The following LRMDA variants were observed in gnomAD, a reference collection of about 807,000 sequenced individuals.
LRMDA encodes the protein leucine rich melanocyte differentiation associated.
Under a neutral mutation model 29.8 loss-of-function variants are expected in LRMDA, and 18 were observed. That is an observed-to-expected ratio of 0.60 (90% CI 0.42 to 0.90). LRMDA has a LOEUF of 0.90. Among genes scored for constraint, LRMDA ranks in the 40% least tolerant of loss-of-function variants. The pLI is 0.00. For synonymous variants in LRMDA, 125 were observed against 109.4 expected (o/e 1.14, Z -0.89); for missense variants, 273 against 273.9 (o/e 1.00, Z 0.02).
chr10:76,410,707 A>T (rs1841951222), intron 6 of LRMDA, among the ~76,000 whole-genome samples: 1 of 152,110 alleles, frequency 6.6e-6, no homozygotes, highest in Non-Finnish European at 1.5e-5. Context: ...TAATCCCAGC[A>T]CTTTGGGAGG....
At chr10:76,397,702 C>T (rs1445734267) in intron 6 of LRMDA, among the ~76,000 whole-genome samples, 1 of 152,166 alleles carries the variant, frequency 6.6e-6, no homozygotes, top group African/African-American at 2.4e-5. Context: ...CTCTGAAAGG[C>T]GAGCAGATTA....
intron 5 of LRMDA, among the ~76,000 whole-genome samples, chr10:76,148,112 C>T (rs947606646): frequency 2.0e-5 from 3 of 152,182 alleles, no homozygotes; most frequent in Admixed American, 1.3e-4. Flanking sequence ...GGTGCCTCCC[C>T]GTTAGGCTAC....
chr10:75,557,556 T>C (rs1264452387), intron 2 of LRMDA, among the ~76,000 whole-genome samples: 1 of 152,132 alleles, frequency 6.6e-6, no homozygotes, highest in Non-Finnish European at 1.5e-5. Context: ...GAAATGACTT[T>C]CTTAGTGCAG....
chr10:75,764,074 G>A lies in LRMDA; in HGVS notation c.132-271934G>A, dbSNP rs917507366. Among the ~76,000 whole-genome samples the A allele has an allele frequency of 1.1e-4, 16 of 152,030 alleles. No individual in the cohort carries two copies. In the South Asian group the frequency reaches 3.3e-3, roughly 32 times the overall value. ...CGCATGGAGACCCGGCTGAGGGTGG[G>A]GCTGGTAGAAAAGCCCAGATTTATT... On this transcript the variant is annotated intron_variant, in intron 2 of 6. Coordinates refer to ENST00000611255, the MANE Select transcript of LRMDA (RefSeq NM_001305581.2).
At chr10:76,017,733 T>C (rs1184207505) in intron 2 of LRMDA, among the ~76,000 whole-genome samples, 1 of 152,144 alleles carries the variant, frequency 6.6e-6, no homozygotes, top group South Asian at 2.1e-4. Context: ...GGCAGCTGTG[T>C]TGGGGCAGAT....
chr10:76,220,496 A>G (rs916079977), intron 5 of LRMDA, among the ~76,000 whole-genome samples: 1 of 152,234 alleles, frequency 6.6e-6, no homozygotes, highest in African/African-American at 2.4e-5. Flanking sequence ...AAACACCTCT[A>G]TGCAAATAAA....
At chr10:75,532,569 G>C (rs1317480964) in intron 2 of LRMDA, among the ~76,000 whole-genome samples, 2 of 152,190 alleles carry the variant, frequency 1.3e-5, no homozygotes, top group Admixed American at 6.5e-5. Context: ...ATGCTGGAGA[G>C]AGGACTGGTG....
At chr10:76,201,354 A>T (rs1851428064) in intron 5 of LRMDA, among the ~76,000 whole-genome samples, 1 of 152,232 alleles carries the variant, frequency 6.6e-6, no homozygotes, top group African/African-American at 2.4e-5. Context: ...TGGCCTCCCA[A>T]AGTGCAGGGA....
At chr10:75,593,892 C>A (rs1469224013) in intron 2 of LRMDA, among the ~76,000 whole-genome samples, 1 of 152,204 alleles carries the variant, frequency 6.6e-6, no homozygotes, top group African/African-American at 2.4e-5. Context: ...CAGCCCCAGA[C>A]CCTTGACTTT....
chr10:75,642,980 G>C (rs181740683), intron 2 of LRMDA: 39 of 152,344 alleles, frequency 2.6e-4, no homozygotes, highest in Admixed American at 2.4e-3. Context: ...TTGGACCTGG[G>C]CTGGAAGGAC....
chr10:75,846,177 T>TTGTGTGTG (rs59549881), intron 2 of LRMDA, among the ~76,000 whole-genome samples: 8,274 of 142,966 alleles, frequency 0.058, 251 homozygotes, highest in Non-Finnish European at 0.069. Flanking sequence ...GTGTGTGTGT[T>TTGTGTGTG]TGTGTGTGTG....
At chr10:76,475,382 C>A (rs1437232360) in intron 6 of LRMDA, among the ~76,000 whole-genome samples, 1 of 151,920 alleles carries the variant, frequency 6.6e-6, no homozygotes, top group Non-Finnish European at 1.5e-5. Flanking sequence ...AATACAGGAG[C>A]ACCCAGATTT....
intron 2 of LRMDA, among the ~76,000 whole-genome samples, chr10:75,467,425 T>A (rs919311626): frequency 6.6e-6 from 1 of 152,208 alleles, no homozygotes; most frequent in Non-Finnish European, 1.5e-5. Flanking sequence ...GTAACTGTCT[T>A]AGGTGTTTGA....
chr10:76,471,191 C>G (rs1842614110), intron 6 of LRMDA, among the ~76,000 whole-genome samples: 1 of 151,632 alleles, frequency 6.6e-6, no homozygotes, highest in Admixed American at 6.6e-5. Flanking sequence ...TATATGCTTA[C>G]TCTCTTCTAT....
intron 2 of LRMDA, among the ~76,000 whole-genome samples, chr10:75,449,632 A>C (rs2132030195): frequency 6.6e-6 from 1 of 151,856 alleles, no homozygotes; most frequent in African/African-American, 2.4e-5. Context: ...CTGAAGTCAT[A>C]CGTATATAGC....
At chr10:76,459,790 T>TATA (rs1365586936) in intron 6 of LRMDA, among the ~76,000 whole-genome samples, 1 of 152,148 alleles carries the variant, frequency 6.6e-6, no homozygotes, top group African/African-American at 2.4e-5. Context: ...TTATTATTAT[T>TATA]ATACTTTAAG....
chr10:75,752,956 T>G (rs1357745289), intron 2 of LRMDA, among the ~76,000 whole-genome samples: 1 of 152,238 alleles, frequency 6.6e-6, no homozygotes, highest in Non-Finnish European at 1.5e-5. Context: ...TTCTTCTGGT[T>G]GTACAGTATT....
In LRMDA at chr10:75,878,831, A is replaced by G. The variant is rs531206946; in HGVS notation, c.132-157177A>G. On this transcript the variant is annotated intron_variant, in intron 2 of 6. Coordinates refer to ENST00000611255, the MANE Select transcript of LRMDA (RefSeq NM_001305581.2). ...CAGGTGTTCTCCTGCTGACTTGACC[A>G]GCCACCTCTCAGAGCTCTGGAGACT... 2.0e-5 allele frequency among the ~76,000 whole-genome samples: 3 copies of G among 152,148 alleles called. No homozygotes were observed. In the East Asian group the frequency reaches 5.8e-4, roughly 29 times the overall value.
In LRMDA at chr10:75,528,245, G is replaced by T. The variant is rs187986323; in HGVS notation, c.131+89751G>T. Among the ~76,000 whole-genome samples the T allele has an allele frequency of 2.7e-4, 41 of 152,320 alleles. 1 individual carries two copies. The East Asian group carries it at 3.3e-3, about 12-fold the overall frequency. On this transcript the variant is annotated intron_variant, in intron 2 of 6. Coordinates refer to ENST00000611255, the MANE Select transcript of LRMDA (RefSeq NM_001305581.2). Reference sequence around the variant, plus strand: ...ACCTCTGAAAATATCTCTGAAAGTTGTAAGACTTCAGATGCTATCTCTCAT... The same window carrying T: ...ACCTCTGAAAATATCTCTGAAAGTTTTAAGACTTCAGATGCTATCTCTCAT...
Sources: allele counts gnomAD v4.1 joint callset (sites outside exome capture counted in the v4.1 genomes callset), GRCh38; gene constraint gnomAD v4.1.1; transcripts MANE v1.5; gene names NCBI Gene and HGNC (gene_info 2026-07-23, HGNC 2026-07-21).